The following RBFOX1 variants were observed in gnomAD, a reference collection of about 807,000 sequenced individuals.
RBFOX1 encodes RNA binding protein fox-1 homolog 1.
In RBFOX1, 8 loss-of-function variants were observed where a neutral mutation model predicts 57.7. The ratio of observed to expected loss-of-function variants is 0.14; its 90% CI spans 0.08 to 0.25. The LOEUF (loss-of-function observed/expected upper bound fraction) is 0.25. RBFOX1 is among the 10% of genes least tolerant of loss of function. RBFOX1 has a pLI of 1.00. For synonymous variants in RBFOX1, 326 were observed against 222.4 expected (o/e 1.47, Z -4.15); for missense variants, 611 against 548.5 (o/e 1.11, Z -1.14).
At chr16:5,671,834 C>G (rs17138317) in intron 3 of RBFOX1, among the ~76,000 whole-genome samples, 17,221 of 152,204 alleles carry the variant, frequency 0.11, 1,410 homozygotes, top group East Asian at 0.33. Context: ...AATTATATCT[C>G]CATCCAAGTT....
chr16:5,998,275 C>T (rs1460213482), intron 4 of RBFOX1, among the ~76,000 whole-genome samples: 1 of 152,164 alleles, frequency 6.6e-6, no homozygotes, highest in Non-Finnish European at 1.5e-5. Flanking sequence ...TTGATAGTCT[C>T]TGATATTCTC....
chr16:6,017,943 C>G (rs17139131), upstream of RBFOX1, among the ~76,000 whole-genome samples: 36,114 of 152,056 alleles, frequency 0.24, 4,567 homozygotes, highest in South Asian at 0.34. Context: ...AATGAACAGG[C>G]GCCTCAGATC....
At chr16:5,268,804 T>C (rs1298777778) in intron 1 of RBFOX1, among the ~76,000 whole-genome samples, 2 of 152,264 alleles carry the variant, frequency 1.3e-5, no homozygotes, top group African/African-American at 2.4e-5. Context: ...TGTAGAATTG[T>C]TTGGGAAGTT....
At chr16:5,913,746 C>A (rs1160229063) in intron 4 of RBFOX1, among the ~76,000 whole-genome samples, 1 of 152,226 alleles carries the variant, frequency 6.6e-6, no homozygotes, top group Non-Finnish European at 1.5e-5. Flanking sequence ...AACATTCCAG[C>A]AACACATCCA....
intron 3 of RBFOX1, among the ~76,000 whole-genome samples, chr16:6,851,439 G>A (rs1164244657): frequency 2.0e-5 from 3 of 152,144 alleles, no homozygotes; most frequent in African/African-American, 4.8e-5. Flanking sequence ...TAAATTACAT[G>A]TGAATCTACA....
At chr16:7,693,479 GAAAAA>G (rs199635596) in intron 14 of RBFOX1, 4 of 502,642 alleles carry the variant, frequency 8.0e-6, no homozygotes, top group South Asian at 6.1e-5. Flanking sequence ...GTTTAGTTAA[GAAAAA>G]AAAAAAAGAT....
intron 2 of RBFOX1, among the ~76,000 whole-genome samples, chr16:6,571,146 C>A (rs112584537): frequency 1.7e-3 from 252 of 152,280 alleles, no homozygotes; most frequent in African/African-American, 5.2e-3. Flanking sequence ...TCATTTCAGG[C>A]ATATAGCCCG....
intron 3 of RBFOX1, among the ~76,000 whole-genome samples, chr16:6,803,870 G>T (rs551633121): frequency 6.6e-6 from 1 of 152,214 alleles, no homozygotes; most frequent in African/African-American, 2.4e-5. Flanking sequence ...AAAAAACCAT[G>T]CTGTAAGCTG....
chr16:7,395,875 G>C (rs2098131328), intron 4 of RBFOX1, among the ~76,000 whole-genome samples: 1 of 152,168 alleles, frequency 6.6e-6, no homozygotes, highest in African/African-American at 2.4e-5. Context: ...TGACTGGCAT[G>C]GTTACATAAA....
chr16:7,287,631 A>G (rs1568042661), intron 4 of RBFOX1, among the ~76,000 whole-genome samples: 1 of 152,220 alleles, frequency 6.6e-6, no homozygotes, highest in African/African-American at 2.4e-5. Flanking sequence ...CTTCACGCTC[A>G]TTATTAAAAA....
intron 3 of RBFOX1, among the ~76,000 whole-genome samples, chr16:6,715,850 T>C (rs1314378635): frequency 6.6e-6 from 1 of 152,224 alleles, no homozygotes; most frequent in African/African-American, 2.4e-5. Context: ...CAATACTGTC[T>C]GGGTTTCTTA....
intron 4 of RBFOX1, among the ~76,000 whole-genome samples, chr16:7,330,112 C>A (rs973937466): frequency 6.6e-6 from 1 of 152,018 alleles, no homozygotes. Context: ...GCCTGAAATG[C>A]CATTATATAT....
chr16:7,110,195 A>AC (rs1409193949), intron 4 of RBFOX1, among the ~76,000 whole-genome samples: 1 of 151,072 alleles, frequency 6.6e-6, no homozygotes, highest in Non-Finnish European at 1.5e-5. Context: ...CTCAAAAAAA[A>AC]AAAAAAAAAG....
intron 4 of RBFOX1, among the ~76,000 whole-genome samples, chr16:7,176,669 A>C (rs1410889404): frequency 6.6e-6 from 1 of 152,176 alleles, no homozygotes; most frequent in East Asian, 1.9e-4. Context: ...CCTTTACTGG[A>C]AAAGGTTTCC....
chr16:6,579,634 C>G (rs1057076292), intron 2 of RBFOX1, among the ~76,000 whole-genome samples: 2 of 152,326 alleles, frequency 1.3e-5, no homozygotes, highest in South Asian at 4.1e-4. Context: ...TAGAAGTGTT[C>G]TGAGGCTTCC....
chr16:7,061,400 A>G (rs1291828993), intron 4 of RBFOX1, among the ~76,000 whole-genome samples: 3 of 152,206 alleles, frequency 2.0e-5, no homozygotes, highest in Admixed American at 6.5e-5. Flanking sequence ...AAATCAGCCA[A>G]CTAGTCACAG....
chr16:7,640,438 TC>T (rs1416874047), intron 11 of RBFOX1, among the ~76,000 whole-genome samples: 6 of 152,194 alleles, frequency 3.9e-5, no homozygotes, highest in Admixed American at 3.9e-4. Flanking sequence ...AAAACTACCA[TC>T]CCATGGTGTG....
At chr16:6,118,704 CTTCT>C (rs998626429) in intron 1 of RBFOX1, among the ~76,000 whole-genome samples, 5 of 146,470 alleles carry the variant, frequency 3.4e-5, no homozygotes, top group East Asian at 2.0e-4. Flanking sequence ...TCCTTCCTTC[CTTCT>C]TTGTTTCTCC....
At chr16:7,353,351 T>C (rs921480337) in intron 4 of RBFOX1, among the ~76,000 whole-genome samples, 2 of 152,168 alleles carry the variant, frequency 1.3e-5, no homozygotes, top group Admixed American at 6.5e-5. Context: ...GGAATGCACA[T>C]ACATTGCTGG....
Sources: allele counts gnomAD v4.1 joint callset (sites outside exome capture counted in the v4.1 genomes callset), GRCh38; gene constraint gnomAD v4.1.1; transcripts MANE v1.5; gene names NCBI Gene and HGNC (gene_info 2026-07-23, HGNC 2026-07-21).